KIRREL2: variants seen among roughly 807,000 people sequenced by gnomAD.
KIRREL2 encodes kirre like nephrin family adhesion molecule 2.
A neutral mutation model predicts 73.4 loss-of-function variants in KIRREL2; 56 were observed. That is an observed-to-expected ratio of 0.76 (90% CI 0.62 to 0.95). The LOEUF (loss-of-function observed/expected upper bound fraction) is 0.95, where lower values mean the gene tolerates loss of function less well. Among genes scored for constraint, KIRREL2 ranks in the 40% least tolerant of loss-of-function variants. The pLI is 0.00. For synonymous variants in KIRREL2, 407 were observed against 404.0 expected (o/e 1.01, Z -0.09); for missense variants, 896 against 935.0 (o/e 0.96, Z 0.54).
chr19:35,864,060 C>A (rs796610920), intron 13 of KIRREL2, among the ~76,000 whole-genome samples: 52 of 152,246 alleles, frequency 3.4e-4, no homozygotes, highest in African/African-American at 1.2e-3. Flanking sequence ...CAGGCGTGAG[C>A]CACCGCGCCC....
chr19:35,862,301 C>G (rs1020462193), intron 11 of KIRREL2, among the ~76,000 whole-genome samples, 192 bp from the exon 12 acceptor site: 2 of 152,184 alleles, frequency 1.3e-5, no homozygotes, highest in African/African-American at 2.4e-5. Flanking sequence ...GTAAAGGACC[C>G]CTCAAATTCT....
In KIRREL2 at chr19:35,864,637, C is replaced by T. The variant is rs1311123607; in HGVS notation, c.1726-11C>T. 12 of 1,610,510 alleles carry T rather than the reference C, an allele frequency of 7.5e-6. No individual in the cohort carries two copies. Among genetic ancestry groups the T allele is most frequent in the Non-Finnish European group, 1.0e-5 (12 of 1,176,928 alleles). On this transcript the variant is annotated splice_polypyrimidine_tract_variant and intron_variant, in intron 13 of 14. Coordinates refer to ENST00000360202, the MANE Select transcript of KIRREL2 (RefSeq NM_199180.4). ...TCTGACTATTCCCTCTCACTAAGTTCCCTACCCCAGGGCCCCATTGTGCAC... is the reference window on the plus strand; with the variant it reads ...TCTGACTATTCCCTCTCACTAAGTTTCCTACCCCAGGGCCCCATTGTGCAC...
rs1973471095 is a variant in KIRREL2, at chr19:35,857,431, T to C, written c.148T>C (p.Tyr50His). The change falls in exon 2 of 15, where the codon TAC becomes CAC. Residue 50 changes from tyrosine (Y) to histidine (H), a missense_variant. Transcript: ENST00000360202. ...CCGGCTGCCGTGTGCTCTGGGCGCC[T>C]ACTGGGGGCTAGTTCAGTGGACTAA... is the stretch of plus-strand genomic sequence containing the variant. ...EARLPCALGA[Y>H]WGLVQWTKSG... 4 of 1,612,760 alleles carry C rather than the reference T, an allele frequency of 2.5e-6. No homozygotes were observed. The highest frequency in any genetic ancestry group is 3.4e-6 in the Non-Finnish European group (4 of 1,179,762).
Position 35,860,682 on chromosome 19 carries a change from G to A in KIRREL2, c.928+15G>A. 1 of 1,601,400 alleles carries A rather than the reference G, an allele frequency of 6.2e-7. No individual in the cohort carries two copies. Among genetic ancestry groups the A allele is most frequent in the South Asian group, 1.1e-5 (1 of 90,978 alleles). ...GGATGTGCTGTGTGAGCTGGGGCCG[G>A]CCTGTGGGTGTGGTCAAAGGTGGCC... On this transcript the variant is annotated intron_variant, in intron 7 of 14. Coordinates refer to ENST00000360202, the MANE Select transcript of KIRREL2 (RefSeq NM_199180.4).
chr19:35,866,250 T>G lies in KIRREL2; in HGVS notation c.1885T>G (p.Ser629Ala). 6.2e-7 allele frequency: 1 copy of G among 1,607,112 alleles called. No individual in the cohort carries two copies. The highest frequency in any genetic ancestry group is 2.2e-5 in the East Asian group (1 of 44,788). The change falls in exon 15 of 15, where the codon TCC becomes GCC. Residue 629 changes from serine to alanine, a missense_variant. Transcript: ENST00000360202. ...AGGAGGTCTCTTCCTGCCACCACCC[T>G]CCCCCCTTGGGCCCCCAGGGACCCC... ...PGGGLFLPPP[S>A]PLGPPGTPTF...
intron 13 of KIRREL2, among the ~76,000 whole-genome samples, chr19:35,864,273 C>T (rs1973855519): frequency 6.6e-6 from 1 of 152,086 alleles, no homozygotes; most frequent in Non-Finnish European, 1.5e-5. Context: ...TCACTGCACC[C>T]TCCACCTCCC....
At chr19:35,851,867 C>T (rs374250149), upstream of KIRREL2, 107 of 1,546,170 alleles carry the variant, frequency 6.9e-5, 2 homozygotes, top group African/African-American at 1.1e-3. Context: ...ACCCCCACAG[C>T]GCCCGCTGCC....
chr19:35,860,875 C>T, intron 7 of KIRREL2, 34 bp from the exon 8 acceptor site: 2 of 1,612,480 alleles, frequency 1.2e-6, no homozygotes, highest in Non-Finnish European at 1.7e-6. Context: ...TGCATTCCGC[C>T]CCGGCCATGT....
Position 35,857,506 on chromosome 19 carries a change from C to G in KIRREL2, c.211+12C>G, listed in dbSNP as rs755216311. ...AAGGGACCTACCAGGTAAGAGTGTT[C>G]TCTCCACGCTGGGACGGGCTGGCTA... On this transcript the variant is annotated intron_variant, in intron 2 of 14. Transcript: ENST00000360202. 5.8e-6 allele frequency: 9 copies of G among 1,545,716 alleles called. No individual in the cohort carries two copies. The highest frequency in any genetic ancestry group is 7.8e-6 in the Non-Finnish European group (9 of 1,147,584).
Position 35,862,910 on chromosome 19 carries a change from C to T in KIRREL2, c.1616-17C>T, listed in dbSNP as rs545728153. 24 of 1,498,872 alleles carry T rather than the reference C, an allele frequency of 1.6e-5. No homozygotes were observed. The highest frequency in any genetic ancestry group is 2.4e-5 in the East Asian group (1 of 41,342). 92.8% of individuals were successfully genotyped at this position (1,498,872 alleles called of 1,614,324 possible). A position where few individuals can be genotyped will look rare whatever the true frequency, so the allele number is the denominator to read the frequency against. ...GACCCCGCCCATCGCTTAACTCCAC[C>T]GGTCGCTGTTTGTCAGCCTCAGCCT... On this transcript the variant is annotated splice_polypyrimidine_tract_variant and intron_variant, in intron 12 of 14. Transcript: ENST00000360202.
At chr19:35,864,857 C>A in intron 14 of KIRREL2, 144 bp downstream of exon 14, 1 of 641,886 alleles carries the variant, frequency 1.6e-6, no homozygotes, top group South Asian at 1.9e-5. Flanking sequence ...CCACCCCACT[C>A]CTCCTGCCCC....
chr19:35,861,387 T>C (rs1032480695), intron 9 of KIRREL2, 133 bp downstream of exon 9: 44 of 1,476,510 alleles, frequency 3.0e-5, no homozygotes, highest in South Asian at 7.3e-5. Context: ...ACCGGACCTA[T>C]TGAAGGCGAG....
In KIRREL2 at chr19:35,861,829, C is replaced by T; in HGVS notation, c.1315C>T (p.Leu439=). 1 of 1,587,840 alleles carries T rather than the reference C, an allele frequency of 6.3e-7. No individual in the cohort carries two copies. The change falls in exon 11 of 15, where the codon CTG becomes TTG. Residue 439 remains leucine (L), a synonymous_variant. Transcript: ENST00000360202. ...AVVWSWDEGF[L]EAGSQGRFLV... ...GGTCTGGTCTTGGGATGAGGGCTTCCTGGAGGCGGGGTCGCAGGGCCGGTT... is the reference window on the plus strand; with the variant it reads ...GGTCTGGTCTTGGGATGAGGGCTTCTTGGAGGCGGGGTCGCAGGGCCGGTT...
chr19:35,858,538 A>T lies in KIRREL2; in HGVS notation c.342A>T (p.Pro114=), dbSNP rs776735667. The change falls in exon 3 of 15, where the codon CCA becomes CCT. Residue 114 remains proline, a synonymous_variant. Coordinates refer to ENST00000360202, the MANE Select transcript of KIRREL2 (RefSeq NM_199180.4). ...CACAAGCAGGCCTCCGCTCCAGACCAGCCCAACTGCACGTGCTGGGTAAGG... is the reference window on the plus strand; with the variant it reads ...CACAAGCAGGCCTCCGCTCCAGACCTGCCCAACTGCACGTGCTGGGTAAGG... ...QATQAGLRSR[P]AQLHVLVPPE... 1 of 1,614,190 alleles carries T rather than the reference A, an allele frequency of 6.2e-7. No individual in the cohort carries two copies. Among genetic ancestry groups the T allele is most frequent in the South Asian group, 1.1e-5 (1 of 91,086 alleles).
chr19:35,860,278 C>T lies in KIRREL2; in HGVS notation c.674-19C>T, dbSNP rs1568463424. 5 of 1,607,610 alleles carry T rather than the reference C, an allele frequency of 3.1e-6. No homozygotes were observed. The highest frequency in any genetic ancestry group is 4.3e-6 in the Non-Finnish European group (5 of 1,175,114). On this transcript the variant is annotated intron_variant, in intron 5 of 14. Transcript: ENST00000360202. ...TGTTCCTGGTCCTTGCCCATCTGAC[C>T]ATTGTCCCACCCTCACAGACCCCCC...
rs774408133 is a variant in KIRREL2 at position 35,858,768 on chromosome 19, G to A, written c.426G>A (p.Ala142=). ...TGTCTCTGGTTGCTGGAGTTCCTGC[G>A]AACCTGACATGTCGGAGCCGTGGGG... ...PSVSLVAGVP[A]NLTCRSRGDA... is the part of the protein sequence containing the mutation. Residue 142 remains alanine (A), a synonymous_variant, in exon 4 of 15, where the codon GCG becomes GCA. Coordinates refer to ENST00000360202, the MANE Select transcript of KIRREL2 (RefSeq NM_199180.4). 1.2e-5 allele frequency: 19 copies of A among 1,614,074 alleles called. No homozygotes were observed. The highest frequency in any genetic ancestry group is 2.2e-5 in the East Asian group (1 of 44,890).
chr19:35,860,655 C>A lies in KIRREL2; in HGVS notation c.916C>A (p.Leu306Met). Residue 306 changes from leucine (L) to methionine (M), a missense_variant, in exon 7 of 15, where the codon CTG becomes ATG. By Grantham distance (15) the Leu-to-Met change is conservative. Transcript: ENST00000360202. Reference protein sequence around the residue: ...AVGSANRSTALDVLFGPILQA... With the variant: ...AVGSANRSTAMDVLFGPILQA... ...GGGTAGCGCCAACCGCAGTACTGCG[C>A]TGGATGTGCTGTGTGAGCTGGGGCC... The A allele has an allele frequency of 6.2e-7, 1 of 1,602,840 alleles. No individual in the cohort carries two copies. The highest frequency in any genetic ancestry group is 8.5e-7 in the Non-Finnish European group (1 of 1,179,850).
Position 35,861,523 on chromosome 19 carries a change from C to A in KIRREL2, c.1190-18C>A, listed in dbSNP as rs1255364213. 6.2e-7 allele frequency: 1 copy of A among 1,612,510 alleles called. No homozygotes were observed. Among genetic ancestry groups the A allele is most frequent in the Non-Finnish European group, 8.5e-7 (1 of 1,178,750 alleles). On this transcript the variant is annotated intron_variant, in intron 9 of 14. Coordinates refer to ENST00000360202, the MANE Select transcript of KIRREL2 (RefSeq NM_199180.4). The stretch of plus-strand genomic sequence containing the variant: ...GGGCAAGACCTCTCCTCTGAGTGAC[C>A]TACAGTCTCCATCCCAGCTCCCCCA...
At chr19:35,857,239 G>C in intron 1 of KIRREL2, 59 bp downstream of exon 1, 2 of 1,602,418 alleles carry the variant, frequency 1.2e-6, no homozygotes, top group Non-Finnish European at 1.7e-6. Flanking sequence ...CTTGCGGGCT[G>C]CCTCTTCACT....
Sources: allele counts gnomAD v4.1 joint callset (sites outside exome capture counted in the v4.1 genomes callset), GRCh38; gene constraint gnomAD v4.1.1; transcripts MANE v1.5; gene names NCBI Gene and HGNC (gene_info 2026-07-23, HGNC 2026-07-21).